ZEB1: variants seen among roughly 807,000 people sequenced by gnomAD.
The protein encoded by ZEB1 is zinc finger E-box-binding homeobox 1.
A neutral mutation model predicts 84.9 loss-of-function variants in ZEB1; 21 were observed. That is an observed-to-expected ratio of 0.25 (90% CI 0.18 to 0.36). The LOEUF is 0.36. Ranked by LOEUF, ZEB1 falls within the 10% of genes least tolerant of loss-of-function variation. ZEB1 has a pLI of 1.00. For missense variants in ZEB1, 1,104 were observed against 1,330.2 expected, an observed-to-expected ratio of 0.83 and a Z score of 2.65; for synonymous variants, 420 against 471.1, an observed-to-expected ratio of 0.89 and a Z score of 1.41.
intron 6 of ZEB1, 145 bp downstream of exon 6, chr10:31,514,853 T>G: frequency 3.0e-6 from 2 of 661,336 alleles, no homozygotes; most frequent in South Asian, 3.9e-5. Context: ...TTTATGTTTA[T>G]TTTATGTTTT....
intron 1 of ZEB1, among the ~76,000 whole-genome samples, chr10:31,401,376 C>T (rs563498571): frequency 6.6e-6 from 1 of 152,232 alleles, no homozygotes; most frequent in South Asian, 2.1e-4. Context: ...TTGTGATCTC[C>T]AAGTTAATGT....
At chr10:31,322,937 A>G (rs908420755) in intron 1 of ZEB1, among the ~76,000 whole-genome samples, 7 of 152,140 alleles carry the variant, frequency 4.6e-5, no homozygotes, top group Non-Finnish European at 8.8e-5. Flanking sequence ...AAGTCTCTCT[A>G]TCGACTGTGC....
At chr10:31,409,976 C>T (rs1166413804) in intron 1 of ZEB1, among the ~76,000 whole-genome samples, 1 of 152,212 alleles carries the variant, frequency 6.6e-6, no homozygotes, top group Non-Finnish European at 1.5e-5. Flanking sequence ...TTGACTTCCC[C>T]TCTTCCTATT....
In ZEB1 at chr10:31,521,930, A is replaced by C; in HGVS notation, c.2598A>C (p.Gly866=). 1.2e-6 allele frequency: 2 copies of C among 1,614,032 alleles called. No homozygotes were observed. The highest frequency in any genetic ancestry group is 2.2e-5 in the South Asian group (2 of 91,076). The change falls in exon 7 of 9, where the codon GGA becomes GGC. Residue 866 remains glycine, a synonymous_variant. Coordinates refer to ENST00000424869, the MANE Select transcript of ZEB1 (RefSeq NM_001174096.2). ...CCTTGAAAGTGATCCAGCCAAATGG[A>C]AATCAGGTAAAAAATAACCTCCATC... ...EPPLKVIQPN[G]NQDERQDTSS... is the part of the protein sequence containing the mutation.
chr10:31,321,436 C>T (rs775994931), intron 1 of ZEB1: 8 of 1,613,654 alleles, frequency 5.0e-6, no homozygotes, highest in African/African-American at 2.7e-5. Flanking sequence ...AGGAGTGGAG[C>T]ATAGGCTATT....
rs548683850 is a variant in ZEB1, at chr10:31,448,754, G to T, written c.59-12283G>T. On this transcript the variant is annotated intron_variant, in intron 1 of 8. Coordinates refer to ENST00000424869, the MANE Select transcript of ZEB1 (RefSeq NM_001174096.2). ...GTCAGGGGTCAGGGACCCACTTGAG[G>T]AGGCAGTCTGCCCATTCTCAGATCT... Among the ~76,000 whole-genome samples, 57 of 152,242 alleles carry T rather than the reference G, an allele frequency of 3.7e-4. No individual in the cohort carries two copies. In the South Asian group the frequency reaches 0.011, roughly 30 times the overall value.
intron 8 of ZEB1, among the ~76,000 whole-genome samples, chr10:31,525,521 G>A (rs2073261414): frequency 6.6e-6 from 1 of 152,182 alleles, no homozygotes; most frequent in South Asian, 2.1e-4. Flanking sequence ...GCACACTCCT[G>A]TGTCTCTCTC....
chr10:31,443,686 G>C (rs2059351598), intron 1 of ZEB1, among the ~76,000 whole-genome samples: 2 of 149,858 alleles, frequency 1.3e-5, no homozygotes, highest in Admixed American at 1.3e-4. Flanking sequence ...TCTTGCGATA[G>C]TTTACTGAGA....
chr10:31,397,004 T>A (rs2050853407), intron 1 of ZEB1, among the ~76,000 whole-genome samples: 1 of 150,162 alleles, frequency 6.7e-6, no homozygotes, highest in Admixed American at 6.6e-5. Context: ...AACTTTTTTA[T>A]TTTTTATTAT....
chr10:31,360,756 A>G (rs73260042), intron 1 of ZEB1, among the ~76,000 whole-genome samples: 2,363 of 152,354 alleles, frequency 0.016, 57 homozygotes, highest in African/African-American at 0.053. Context: ...GAGTTCGTAA[A>G]TTAGTGAGTG....
At chr10:31,319,581 A>G (rs1576050) in intron 1 of ZEB1, 60,826 of 381,950 alleles carry the variant, frequency 0.16, 15,809 homozygotes, top group African/African-American at 0.8. Flanking sequence ...GCCGGCGCCG[A>G]CGCCGCCGCA....
rs1206073519 is a variant in ZEB1, at chr10:31,474,004, C to T, written c.259+12767C>T. On this transcript the variant is annotated intron_variant, in intron 2 of 8. Transcript: ENST00000424869. ...AATGGTTCTGGGAAAACCGGCTAGCCATATGTACAAAGCTGAAACTGGATC... is the reference window on the plus strand; with the variant it reads ...AATGGTTCTGGGAAAACCGGCTAGCTATATGTACAAAGCTGAAACTGGATC... Among the ~76,000 whole-genome samples the T allele has an allele frequency of 5.3e-5, 8 of 152,150 alleles. No individual in the cohort carries two copies. The South Asian group carries it at 1.0e-3, about 20-fold the overall frequency.
At chr10:31,475,117 G>A (rs1009989119) in intron 2 of ZEB1, among the ~76,000 whole-genome samples, 5 of 151,876 alleles carry the variant, frequency 3.3e-5, no homozygotes, top group Admixed American at 6.5e-5. Flanking sequence ...GCTAGATGAC[G>A]AGTTAGTGGG....
At chr10:31,492,209 C>T (rs552867286) in intron 2 of ZEB1, among the ~76,000 whole-genome samples, 1 of 152,032 alleles carries the variant, frequency 6.6e-6, no homozygotes, top group East Asian at 1.9e-4. Flanking sequence ...TGACTTAAGA[C>T]TTTTCAACTT....
chr10:31,354,549 C>CT (rs1228901346), intron 1 of ZEB1, among the ~76,000 whole-genome samples: 1 of 152,156 alleles, frequency 6.6e-6, no homozygotes, highest in African/African-American at 2.4e-5. Flanking sequence ...TCTTCCTGAT[C>CT]TTTAACACTT....
chr10:31,469,252 C>A (rs925177770), intron 2 of ZEB1, among the ~76,000 whole-genome samples: 1 of 152,134 alleles, frequency 6.6e-6, no homozygotes, highest in Non-Finnish European at 1.5e-5. Context: ...CAGCTCCCAG[C>A]GTGAGCGACG....
intron 2 of ZEB1, among the ~76,000 whole-genome samples, chr10:31,487,900 G>C (rs1425771982): frequency 1.3e-5 from 2 of 151,078 alleles, no homozygotes; most frequent in Non-Finnish European, 3.0e-5. Flanking sequence ...ACTTTAATCT[G>C]TGAATATGGA....
At chr10:31,491,628 C>T (rs1263683243) in intron 2 of ZEB1, among the ~76,000 whole-genome samples, 1 of 151,912 alleles carries the variant, frequency 6.6e-6, no homozygotes, top group African/African-American at 2.4e-5. Context: ...CTTGTCATGT[C>T]ATCTTCTCCA....
intron 1 of ZEB1, among the ~76,000 whole-genome samples, chr10:31,433,916 GT>G (rs1168416824): frequency 6.6e-6 from 1 of 152,088 alleles, no homozygotes; most frequent in Non-Finnish European, 1.5e-5. Context: ...TATAAAAATG[GT>G]TTTGACCTTG....
Sources: allele counts gnomAD v4.1 joint callset (sites outside exome capture counted in the v4.1 genomes callset), GRCh38; gene constraint gnomAD v4.1.1; transcripts MANE v1.5; gene names NCBI Gene and HGNC (gene_info 2026-07-23, HGNC 2026-07-21).